The following WDFY3 variants were observed in gnomAD, a reference collection of about 807,000 sequenced individuals.
The protein encoded by WDFY3 is WD repeat and FYVE domain containing 3.
Under a neutral mutation model 409.6 loss-of-function variants are expected in WDFY3, and 66 were observed. The ratio of observed to expected loss-of-function variants is 0.16; its 90% confidence interval spans 0.13 to 0.20. The LOEUF is 0.20. Ranked by LOEUF, WDFY3 falls within the 10% of genes least tolerant of loss-of-function variation. WDFY3 has a pLI of 1.00. For missense variants in WDFY3, 3,031 were observed against 4,298.1 expected (o/e 0.71, Z 8.24); for synonymous variants, 1,521 against 1,537.1 (o/e 0.99, Z 0.25).
At chr4:84,679,331 A>T in intron 64 of WDFY3, 89 bp from the exon 65 acceptor site, 1 of 1,280,084 alleles carries the variant, frequency 7.8e-7, no homozygotes, top group Non-Finnish European at 1.0e-6. Flanking sequence ...TCTCCCAGTT[A>T]TAAGCCTCTA....
chr4:84,942,249 A>C (rs1270578486), intron 1 of WDFY3, among the ~76,000 whole-genome samples: 3 of 152,122 alleles, frequency 2.0e-5, no homozygotes, highest in Non-Finnish European at 4.4e-5. Flanking sequence ...GTGTTATAAA[A>C]ATGAAATTAA....
intron 2 of WDFY3, among the ~76,000 whole-genome samples, chr4:84,915,961 G>A (rs944493960): frequency 6.6e-6 from 1 of 152,128 alleles, no homozygotes; most frequent in Non-Finnish European, 1.5e-5. Flanking sequence ...TGAAGAACCT[G>A]TTTCATAATA....
intron 15 of WDFY3, 140 bp from the exon 16 acceptor site, chr4:84,803,607 T>C (rs1751016138): frequency 1.1e-6 from 1 of 906,798 alleles, no homozygotes; most frequent in African/African-American, 1.7e-5. Flanking sequence ...GAATATATTA[T>C]CAACTCGAGT....
chr4:84,693,843 C>T (rs1471678885), intron 58 of WDFY3, among the ~76,000 whole-genome samples: 6 of 149,224 alleles, frequency 4.0e-5, no homozygotes, highest in Admixed American at 1.3e-4. Context: ...TGCAGTGAGC[C>T]GAGATTGCGC....
intron 2 of WDFY3, among the ~76,000 whole-genome samples, chr4:84,914,381 T>C (rs1768189805): frequency 6.6e-6 from 1 of 152,122 alleles, no homozygotes; most frequent in Admixed American, 6.6e-5. Context: ...GCCATTGCAC[T>C]TCAGCCCGGG....
intron 61 of WDFY3, 122 bp from the exon 62 acceptor site, chr4:84,688,387 G>A (rs1728677309): frequency 2.1e-6 from 2 of 957,248 alleles, no homozygotes; most frequent in Non-Finnish European, 3.1e-6. Flanking sequence ...TAGGTGACTT[G>A]AGCAGTGGTG....
rs562202527 is a variant in WDFY3 at position 84,688,341 on chromosome 4, G to A, written c.9364-76C>T. 1.1e-5 allele frequency: 16 copies of A among 1,440,756 alleles called. No individual in the cohort carries two copies. The South Asian group carries it at 2.0e-4, about 18-fold the overall frequency. 89.2% of individuals were successfully genotyped at this position (1,440,756 alleles called of 1,614,324 possible). A position where few individuals can be genotyped will look rare whatever the true frequency, so the allele number is the denominator to read the frequency against. On this transcript the variant is annotated intron_variant, in intron 61 of 67. Coordinates refer to ENST00000295888, the MANE Select transcript of WDFY3 (RefSeq NM_014991.6). ...TCCACAGTGACTCCAGAAGCTCCTG[G>A]ATGCATCAGGAAGCAGTGGCACGCA... is the stretch of plus-strand genomic sequence containing the variant.
intron 40 of WDFY3, 21 bp from the exon 41 acceptor site, chr4:84,737,387 CAAACA>C: frequency 2.6e-6 from 4 of 1,527,398 alleles, no homozygotes; most frequent in South Asian, 1.3e-5. Flanking sequence ...AACAAACAAA[CAAACA>C]AAAAAGTAAG....
At chr4:84,945,888 G>A (rs1295247672) in intron 1 of WDFY3, among the ~76,000 whole-genome samples, 2 of 152,102 alleles carry the variant, frequency 1.3e-5, no homozygotes, top group Non-Finnish European at 2.9e-5. Context: ...TCAATTGAAA[G>A]CAGAGTTTTA....
chr4:84,899,678 C>A (rs569258785), intron 2 of WDFY3, among the ~76,000 whole-genome samples: 7 of 152,098 alleles, frequency 4.6e-5, no homozygotes, highest in Non-Finnish European at 1.0e-4. Context: ...AACAGAGACC[C>A]TAAAGCATAA....
chr4:84,917,854 G>A (rs952367450), intron 2 of WDFY3, among the ~76,000 whole-genome samples: 1 of 151,956 alleles, frequency 6.6e-6, no homozygotes, highest in African/African-American at 2.4e-5. Flanking sequence ...AAAGAGCTTA[G>A]TAATAATTTA....
intron 15 of WDFY3, 84 bp from the exon 16 acceptor site, chr4:84,803,551 A>G (rs1751004759): frequency 1.4e-6 from 2 of 1,429,534 alleles, no homozygotes; most frequent in East Asian, 4.7e-5. Context: ...ACTGATAACC[A>G]AAAAGCCTTG....
In WDFY3 at chr4:84,724,470, T is replaced by C. The variant is rs766497180; in HGVS notation, c.7397A>G (p.Gln2466Arg). The stretch of plus-strand genomic sequence containing the variant: ...GTCTTCCCCATGCTCTGGTTCTTGC[T>C]GAGCAGCTTCACCTTCTGAACTCTC... ...IVESSEGEAA[Q>R]QEPEHGEDTI... The change falls in exon 46 of 68, where the codon CAG becomes CGG. Residue 2466 changes from glutamine to arginine, a missense_variant. This residue lies in a region of WDFY3 where 127 missense variants were observed against 144.4 expected (regional missense o/e 0.88). Coordinates refer to ENST00000295888, the MANE Select transcript of WDFY3 (RefSeq NM_014991.6). 3.7e-6 allele frequency: 6 copies of C among 1,613,992 alleles called. No individual in the cohort carries two copies. The highest frequency in any genetic ancestry group is 5.1e-6 in the Non-Finnish European group (6 of 1,179,974).
intron 47 of WDFY3, among the ~76,000 whole-genome samples, chr4:84,719,301 A>G (rs1734464424): frequency 6.6e-6 from 1 of 152,174 alleles, no homozygotes; most frequent in South Asian, 2.1e-4. Flanking sequence ...CAGAAGTTGT[A>G]TTTTCCTCAT....
At chr4:84,884,023 G>C (rs1763880053) in intron 3 of WDFY3, among the ~76,000 whole-genome samples, 1 of 152,080 alleles carries the variant, frequency 6.6e-6, no homozygotes, top group Non-Finnish European at 1.5e-5. Flanking sequence ...TATTTTTCAG[G>C]TAGGGAACAA....
chr4:84,763,078 C>G (rs1742981359), intron 32 of WDFY3, among the ~76,000 whole-genome samples: 2 of 152,138 alleles, frequency 1.3e-5, no homozygotes, highest in African/African-American at 4.8e-5. Flanking sequence ...CTGGCATTCT[C>G]ATTTTCCTCT....
chr4:84,881,398 T>C (rs1219052444), intron 3 of WDFY3, among the ~76,000 whole-genome samples: 3 of 152,258 alleles, frequency 2.0e-5, no homozygotes, highest in South Asian at 2.1e-4. Context: ...CAGTTATTTC[T>C]GAAAGTACTT....
rs774112213 is a variant in WDFY3 at position 84,860,511 on chromosome 4, G to A, written c.81C>T (p.His27=). 4.3e-6 allele frequency: 7 copies of A among 1,613,998 alleles called. No homozygotes were observed. Among genetic ancestry groups the A allele is most frequent in the African/African-American group, 2.7e-5 (2 of 74,926 alleles). Residue 27 remains histidine, a synonymous_variant, in exon 4 of 68, where the codon CAC becomes CAT. Transcript: ENST00000295888. ...SPQDNALGLM[H]LRRLFTELCH... is the part of the protein sequence containing the mutation. ...ACAACTCCGTGAAGAGCCGGCGGAG[G>A]TGCATCAGTCCTAAGGCGTTGTCTT...
intron 51 of WDFY3, among the ~76,000 whole-genome samples, chr4:84,710,893 TG>T (rs1261731746): frequency 1.8e-4 from 27 of 152,188 alleles, no homozygotes; most frequent in Non-Finnish European, 2.9e-4. Context: ...ACAACACATA[TG>T]ATTAGGAGCA....
Sources: gnomAD v4.1 joint callset for allele counts (sites outside exome capture counted in the v4.1 genomes callset) on GRCh38, gnomAD v4.1.1 for gene constraint, gnomAD v4.1.1 regional missense constraint, MANE v1.5 for transcripts, NCBI Gene and HGNC (gene_info 2026-07-23, HGNC 2026-07-21) for gene names.